The following TRAF5 variants were observed in gnomAD, a reference collection of about 807,000 sequenced individuals.
TRAF5 encodes the protein TNF receptor-associated factor 5.
A neutral mutation model predicts 64.5 loss-of-function variants in TRAF5; 48 were observed. The observed-to-expected ratio is 0.74, with a 90% confidence interval of 0.59 to 0.95. The LOEUF (loss-of-function observed/expected upper bound fraction) is 0.95, where lower values mean the gene tolerates loss of function less well. TRAF5 is among the 40% of genes least tolerant of loss of function. TRAF5 has a pLI of 0.00. For synonymous variants in TRAF5, 206 were observed against 240.5 expected (o/e 0.86, Z 1.33); for missense variants, 545 against 662.8 (o/e 0.82, Z 1.95).
At chr1:211,356,238 C>A in intron 3 of TRAF5, 129 bp from the exon 4 acceptor site, 1 of 637,870 alleles carries the variant, frequency 1.6e-6, no homozygotes, top group Non-Finnish European at 2.7e-6. Flanking sequence ...GTGATATTTC[C>A]ATTCCAGCTG....
intron 3 of TRAF5, among the ~76,000 whole-genome samples, chr1:211,355,508 G>GC (rs780072765): frequency 2.4e-4 from 37 of 152,038 alleles, no homozygotes; most frequent in Non-Finnish European, 4.4e-4. Flanking sequence ...CTTTCCTTGA[G>GC]CCTCTAGTCT....
intron 1 of TRAF5, among the ~76,000 whole-genome samples, chr1:211,344,838 C>T (rs887889011): frequency 5.9e-5 from 9 of 152,212 alleles, no homozygotes; most frequent in Admixed American, 2.6e-4. Context: ...ACTGCAGCCT[C>T]GACCTCCCAG....
chr1:211,330,472 A>T (rs139296305), intron 1 of TRAF5, among the ~76,000 whole-genome samples: 42 of 151,450 alleles, frequency 2.8e-4, no homozygotes, highest in African/African-American at 9.2e-4. Flanking sequence ...CCTCCCTCTG[A>T]GGCAGGTTCC....
chr1:211,343,334 C>T (rs1203139746), intron 1 of TRAF5, among the ~76,000 whole-genome samples: 1 of 152,120 alleles, frequency 6.6e-6, no homozygotes, highest in Non-Finnish European at 1.5e-5. Context: ...GGGAGGAACC[C>T]CAGCTCTTCA....
intron 1 of TRAF5, among the ~76,000 whole-genome samples, chr1:211,329,730 A>C (rs1702108957): frequency 6.6e-6 from 1 of 152,132 alleles, no homozygotes; most frequent in South Asian, 2.1e-4. Flanking sequence ...TTTTCTGCCC[A>C]GGTTGTGGCT....
At chr1:211,331,766 A>G (rs1702163532) in intron 1 of TRAF5, among the ~76,000 whole-genome samples, 1 of 152,094 alleles carries the variant, frequency 6.6e-6, no homozygotes, top group Admixed American at 6.5e-5. Flanking sequence ...CGCGGGTTCA[A>G]GTAATTCTCC....
At position 211,353,614 on chromosome 1, in the gene TRAF5, C is replaced by A. The variant is rs1350936252; in HGVS notation, c.218+157C>A. The A allele has an allele frequency of 5.8e-6, 4 of 686,788 alleles. No homozygotes were observed. In the Admixed American group the frequency reaches 1.2e-4, roughly 20 times the overall value. The allele number at this position is 686,788 out of a possible 1,614,324, so 42.5% of individuals were successfully genotyped here. A position where few individuals can be genotyped will look rare whatever the true frequency, so the allele number is the denominator to read the frequency against. ...CTCTCCCAGATCCCCTCTGTGAGGG[C>A]CTGAAGAATAATCATTTTTTGGTCA... On this transcript the variant is annotated intron_variant, in intron 2 of 10. Transcript: ENST00000261464.
chr1:211,346,012 T>C (rs1322953149), intron 1 of TRAF5, among the ~76,000 whole-genome samples: 1 of 152,220 alleles, frequency 6.6e-6, no homozygotes, highest in Non-Finnish European at 1.5e-5. Context: ...AACAGGCAAA[T>C]GACTGGCATG....
At chr1:211,336,834 C>T (rs1466855029) in intron 1 of TRAF5, among the ~76,000 whole-genome samples, 5 of 152,170 alleles carry the variant, frequency 3.3e-5, no homozygotes, top group African/African-American at 4.8e-5. Context: ...TAATTTTTGT[C>T]TTTTTGGTAG....
chr1:211,359,249 C>T (rs981206236), intron 4 of TRAF5: 1 of 152,194 alleles, frequency 6.6e-6, no homozygotes, highest in African/African-American at 2.4e-5. Flanking sequence ...AGCCACCACA[C>T]GTGGCCAATA....
Position 211,326,926 on chromosome 1 carries a change from G to A in TRAF5, c.-2+37G>A. The A allele has an allele frequency of 1.0e-6, 1 of 984,690 alleles. No homozygotes were observed. The highest frequency in any genetic ancestry group is 1.1e-4 in the East Asian group (1 of 8,778). The allele number at this position is 984,690 out of a possible 1,614,324, so 61.0% of individuals were successfully genotyped here. Reference sequence around the variant, plus strand: ...GGGTCGCCGCCCTGGGCACCCTCGCGACGGAAGGGCCGGGGTGGGGACACC... The same window carrying A: ...GGGTCGCCGCCCTGGGCACCCTCGCAACGGAAGGGCCGGGGTGGGGACACC... On this transcript the variant is annotated intron_variant, in intron 1 of 10. Coordinates refer to ENST00000261464, the MANE Select transcript of TRAF5 (RefSeq NM_001033910.3). The surrounding 1 kb of genome is among the most constrained non-coding windows in gnomAD (Gnocchi z 5.0).
In TRAF5 at chr1:211,356,415, T is replaced by C. The variant is rs1702967398; in HGVS notation, c.325T>C (p.Tyr109His). ...CKREVLNLYV[Y>H]CSNAPGCNAK... ...AAGAGAAGTCCTCAACTTATATGTA[T>C]ATTGCAGCAATGCTCCTGGATGTAA... Residue 109 changes from tyrosine (Y) to histidine (H), a missense_variant, in exon 4 of 11, where the codon TAT becomes CAT. Coordinates refer to ENST00000261464, the MANE Select transcript of TRAF5 (RefSeq NM_001033910.3). 2.5e-6 allele frequency: 4 copies of C among 1,614,058 alleles called. No homozygotes were observed. The highest frequency in any genetic ancestry group is 3.4e-6 in the Non-Finnish European group (4 of 1,180,000).
intron 1 of TRAF5, among the ~76,000 whole-genome samples, chr1:211,352,962 G>A (rs763415951): frequency 2.0e-5 from 3 of 152,122 alleles, no homozygotes; most frequent in Non-Finnish European, 4.4e-5. Flanking sequence ...GGGTAATTTA[G>A]CACCCTGTAA....
chr1:211,367,459 T>A (rs1191660806), intron 8 of TRAF5, among the ~76,000 whole-genome samples: 1 of 152,196 alleles, frequency 6.6e-6, no homozygotes, highest in Non-Finnish European at 1.5e-5. Context: ...GTTAAGCTAG[T>A]AGTACAATGC....
chr1:211,368,623 T>C (rs1421080916), intron 8 of TRAF5, among the ~76,000 whole-genome samples: 1 of 152,260 alleles, frequency 6.6e-6, no homozygotes, highest in Non-Finnish European at 1.5e-5. Flanking sequence ...TCTTTTTGTT[T>C]CTGTTGTCAT....
chr1:211,337,787 A>C (rs1369494750), intron 1 of TRAF5, among the ~76,000 whole-genome samples: 2 of 152,178 alleles, frequency 1.3e-5, no homozygotes, highest in Non-Finnish European at 2.9e-5. Flanking sequence ...TTTTTGGTCC[A>C]AGTGACGCTG....
In TRAF5 at chr1:211,353,220, C is replaced by T. The variant is rs945892480; in HGVS notation, c.-1-19C>T. On this transcript the variant is annotated intron_variant, in intron 1 of 10. Transcript: ENST00000261464. ...TGTTTGCACACTTAATTTTCCCTCT[C>T]CTCCCCTGACCTCTGCAGAATGGCT... is the stretch of plus-strand genomic sequence containing the variant. 6.2e-7 allele frequency: 1 copy of T among 1,612,218 alleles called. No homozygotes were observed.
chr1:211,363,113 CT>C (rs544111046), intron 7 of TRAF5, among the ~76,000 whole-genome samples: 3 of 152,106 alleles, frequency 2.0e-5, no homozygotes, highest in Non-Finnish European at 1.5e-5. Flanking sequence ...TGATATCTCA[CT>C]TTTTTTAGGG....
chr1:211,346,580 T>A lies in TRAF5; in HGVS notation c.-1-6659T>A, dbSNP rs137893200. 1.1e-3 allele frequency among the ~76,000 whole-genome samples: 166 copies of A among 152,328 alleles called. 1 individual carries two copies. The highest frequency in any genetic ancestry group is 3.9e-3 in the African/African-American group (161 of 41,570). ...CTTATGCACTATAACATAATATATT[T>A]AAAAATTCCCCAGTTTTTCAAATCT... On this transcript the variant is annotated intron_variant, in intron 1 of 10. Transcript: ENST00000261464.
Sources: allele counts gnomAD v4.1 joint callset (sites outside exome capture counted in the v4.1 genomes callset), GRCh38; gene constraint gnomAD v4.1.1; non-coding constraint Gnocchi (gnomAD v3.1); transcripts MANE v1.5; gene names NCBI Gene and HGNC (gene_info 2026-07-23, HGNC 2026-07-21).